KCNQ5: variants seen among roughly 807,000 people sequenced by gnomAD.
KCNQ5 encodes the protein potassium voltage-gated channel subfamily KQT member 5.
In KCNQ5, 30 loss-of-function variants were observed where a neutral mutation model predicts 98.2. That is an observed-to-expected ratio of 0.31 (90% CI 0.23 to 0.41). The LOEUF (loss-of-function observed/expected upper bound fraction) is 0.41, where lower values mean the gene tolerates loss of function less well. Ranked by LOEUF, KCNQ5 falls within the 10% of genes least tolerant of loss-of-function variation. The pLI is 1.00. For missense variants in KCNQ5, 835 were observed against 1,182.5 expected, an observed-to-expected ratio of 0.71 and a Z score of 4.31; for synonymous variants, 458 against 449.4, an observed-to-expected ratio of 1.02 and a Z score of -0.24.
rs192742710 is a variant in KCNQ5 at position 73,133,725 on chromosome 6, C to T, written c.1468+84C>T. On this transcript the variant is annotated intron_variant, in intron 10 of 13. Transcript: ENST00000370398. Reference sequence around the variant, plus strand: ...TGAAGTAATTAATTCTCCATAGTGCCACTTGAAGAAAGAAGAAAACAACCC... The same window carrying T: ...TGAAGTAATTAATTCTCCATAGTGCTACTTGAAGAAAGAAGAAAACAACCC... The T allele has an allele frequency of 2.3e-4, 267 of 1,176,502 alleles. 2 individuals carry two copies. In the Admixed American group the frequency reaches 5.6e-3, roughly 24 times the overall value. The allele number at this position is 1,176,502 out of a possible 1,614,324, so 72.9% of individuals were successfully genotyped here. A position where few individuals can be genotyped will look rare whatever the true frequency, so the allele number is the denominator to read the frequency against.
At chr6:72,906,566 G>A (rs747476496) in intron 1 of KCNQ5, among the ~76,000 whole-genome samples, 25 of 152,198 alleles carry the variant, frequency 1.6e-4, no homozygotes, top group Non-Finnish European at 3.1e-4. Context: ...AGCTCCCAGG[G>A]CCTTTCCCGC....
chr6:73,040,323 A>C (rs1279211029), intron 2 of KCNQ5, among the ~76,000 whole-genome samples: 2 of 152,230 alleles, frequency 1.3e-5, no homozygotes, highest in East Asian at 3.8e-4. Flanking sequence ...ATGTCCTGGC[A>C]TAAGCAGGAA....
chr6:72,872,955 C>T, intron 1 of KCNQ5, among the ~76,000 whole-genome samples: 1 of 152,088 alleles, frequency 6.6e-6, no homozygotes. Context: ...AGCTCTTCTA[C>T]TAAAAATCAG....
intron 1 of KCNQ5, among the ~76,000 whole-genome samples, chr6:72,927,732 T>G (rs1184933451): frequency 6.6e-6 from 1 of 152,140 alleles, no homozygotes; most frequent in Non-Finnish European, 1.5e-5. Flanking sequence ...TTAATTGAAT[T>G]TTCTACGATT....
intron 3 of KCNQ5, among the ~76,000 whole-genome samples, chr6:73,054,710 A>T (rs768677009): frequency 6.6e-6 from 1 of 152,250 alleles, no homozygotes; most frequent in Non-Finnish European, 1.5e-5. Flanking sequence ...AATAAGAGCC[A>T]TCTATAAGAA....
rs943702565 is a variant in KCNQ5, at chr6:72,828,945, T to C, written c.399-174963T>C. Among the ~76,000 whole-genome samples the C allele has an allele frequency of 2.0e-5, 3 of 152,104 alleles. No homozygotes were observed. In the South Asian group the frequency reaches 6.2e-4, roughly 31 times the overall value. The stretch of plus-strand genomic sequence containing the variant: ...AATACAACCTACAAAATAAAATACA[T>C]TTATGTACATATCTACATATATACA... On this transcript the variant is annotated intron_variant, in intron 1 of 13. Transcript: ENST00000370398.
At chr6:72,837,759 A>G (rs1776570603) in intron 1 of KCNQ5, among the ~76,000 whole-genome samples, 1 of 152,040 alleles carries the variant, frequency 6.6e-6, no homozygotes, top group African/African-American at 2.4e-5. Flanking sequence ...AATATGTTAA[A>G]CATATATATG....
At chr6:72,853,320 A>C (rs981785130) in intron 1 of KCNQ5, among the ~76,000 whole-genome samples, 1 of 152,138 alleles carries the variant, frequency 6.6e-6, no homozygotes, top group African/African-American at 2.4e-5. Context: ...GTGGGATCCT[A>C]GACAATACTG....
intron 1 of KCNQ5, among the ~76,000 whole-genome samples, chr6:72,651,265 G>C (rs537292025): frequency 1.3e-5 from 2 of 152,122 alleles, no homozygotes; most frequent in South Asian, 4.2e-4. Flanking sequence ...ACAGCTGGTA[G>C]ATACAAAATG....
chr6:73,105,127 ACAGTAAT>A, intron 5 of KCNQ5, 123 bp from the exon 6 acceptor site: 1 of 521,022 alleles, frequency 1.9e-6, no homozygotes, highest in Non-Finnish European at 3.5e-6. Context: ...AAATTAAAGC[ACAGTAAT>A]AAAAAGCACG....
chr6:73,055,977 C>T (rs1772471240), intron 3 of KCNQ5: 1 of 397,610 alleles, frequency 2.5e-6, no homozygotes, highest in Non-Finnish European at 4.9e-6. Flanking sequence ...GGACCGGTGG[C>T]TCCCATTTTC....
intron 5 of KCNQ5, among the ~76,000 whole-genome samples, chr6:73,093,257 C>T (rs1039394334): frequency 6.6e-6 from 1 of 151,918 alleles, no homozygotes; most frequent in Non-Finnish European, 1.5e-5. Flanking sequence ...TAATATCTCC[C>T]ATTTCATTTC....
At chr6:72,841,679 A>G (rs1338689772) in intron 1 of KCNQ5, among the ~76,000 whole-genome samples, 1 of 152,044 alleles carries the variant, frequency 6.6e-6, no homozygotes, top group Non-Finnish European at 1.5e-5. Context: ...ATTCCTTTAT[A>G]TATTCCTATA....
intron 1 of KCNQ5, among the ~76,000 whole-genome samples, chr6:72,856,524 C>T (rs1366600827): frequency 1.3e-5 from 2 of 151,370 alleles, no homozygotes; most frequent in African/African-American, 4.9e-5. Context: ...AGATGCTTTC[C>T]AGCAGGGTAG....
Position 72,653,321 on chromosome 6 carries a change from T to C in KCNQ5, c.398+30734T>C, listed in dbSNP as rs182142163. ...CAAGTTTTGGCTTTAAAGATCCTCC[T>C]TTGTTTTAATAGATTTTCCATTAGT... On this transcript the variant is annotated intron_variant, in intron 1 of 13. Coordinates refer to ENST00000370398, the MANE Select transcript of KCNQ5 (RefSeq NM_019842.4). Among the ~76,000 whole-genome samples the C allele has an allele frequency of 4.1e-4, 63 of 152,112 alleles. No homozygotes were observed. In the South Asian group the frequency reaches 6.4e-3, roughly 16 times the overall value.
rs73753268 is a variant in KCNQ5 at position 73,141,432 on chromosome 6, C to T, written c.1468+7791C>T. ...CTTAGTTTTTAGTGACGGGGAAATG[C>T]TTTTCTATTTTGATAAGACTGAAGT... On this transcript the variant is annotated intron_variant, in intron 10 of 13. Coordinates refer to ENST00000370398, the MANE Select transcript of KCNQ5 (RefSeq NM_019842.4). Among the ~76,000 whole-genome samples the T allele has an allele frequency of 7.7e-3, 1,166 of 152,266 alleles. 19 individuals carry two copies. Among genetic ancestry groups the T allele is most frequent in the African/African-American group, 0.027 (1,108 of 41,548 alleles).
intron 1 of KCNQ5, among the ~76,000 whole-genome samples, chr6:72,679,325 A>G (rs897505964): frequency 2.0e-5 from 3 of 152,120 alleles, no homozygotes; most frequent in African/African-American, 7.2e-5. Flanking sequence ...AACCAACCCA[A>G]ATGTCCAACA....
intron 1 of KCNQ5, chr6:72,986,654 A>C (rs1768791377): frequency 2.5e-6 from 2 of 795,542 alleles, no homozygotes; most frequent in Admixed American, 4.2e-5. Flanking sequence ...ACCCAATCCC[A>C]GGAAGCAGGT....
intron 2 of KCNQ5, among the ~76,000 whole-genome samples, chr6:73,019,350 A>G (rs1770485359): frequency 6.6e-6 from 1 of 152,116 alleles, no homozygotes; most frequent in African/African-American, 2.4e-5. Flanking sequence ...TCTTGCCCCA[A>G]ACTATGTTTT....
Sources: allele counts gnomAD v4.1 joint callset (sites outside exome capture counted in the v4.1 genomes callset), GRCh38; gene constraint gnomAD v4.1.1; transcripts MANE v1.5; gene names NCBI Gene and HGNC (gene_info 2026-07-23, HGNC 2026-07-21).